Variants in UGT1A5 observed in about 807,000 individuals in gnomAD.
UGT1A5 encodes the protein UDP-glucuronosyltransferase 1A5.
In UGT1A5, 29 loss-of-function variants were observed where a neutral mutation model predicts 40.3. The ratio of observed to expected loss-of-function variants is 0.72; its 90% CI spans 0.54 to 0.98. The LOEUF (loss-of-function observed/expected upper bound fraction) is 0.98. Ranked by LOEUF, UGT1A5 falls within the 50% of genes least tolerant of loss-of-function variation. UGT1A5 has a pLI of 0.00. For synonymous variants in UGT1A5, 257 were observed against 262.5 expected, an observed-to-expected ratio of 0.98 and a Z score of 0.20; for missense variants, 678 against 677.9, an observed-to-expected ratio of 1.00 and a Z score of 0.00.
chr2:233,757,562 G>GTATATATATATATATATA (rs1491042837), intron 1 of UGT1A5, among the ~76,000 whole-genome samples: 1 of 90,870 alleles, frequency 1.1e-5, no homozygotes, highest in Non-Finnish European at 2.1e-5. Context: ...ATATATATAT[G>GTATATATATATATATATA]TATATATGAT....
chr2:233,767,623 T>C (rs188657722), intron 2 of UGT1A5, among the ~76,000 whole-genome samples: 5 of 152,322 alleles, frequency 3.3e-5, no homozygotes, highest in African/African-American at 1.2e-4. Flanking sequence ...GTGCACAGCT[T>C]GATAAATTAT....
intron 1 of UGT1A5, among the ~76,000 whole-genome samples, chr2:233,722,976 C>T (rs1378643600): frequency 1.4e-5 from 2 of 146,460 alleles, no homozygotes; most frequent in Non-Finnish European, 3.0e-5. Context: ...AGGGATTGGT[C>T]CTGCTGTCTC....
intron 1 of UGT1A5, among the ~76,000 whole-genome samples, chr2:233,736,484 A>T (rs1388526766): frequency 6.6e-6 from 1 of 152,156 alleles, no homozygotes; most frequent in Admixed American, 6.5e-5. Context: ...GAGGTTTGTT[A>T]CTACCAAACT....
chr2:233,732,874 G>C lies in UGT1A5; in HGVS notation c.867+19016G>C, dbSNP rs1220552637. On this transcript the variant is annotated intron_variant, in intron 1 of 4. Transcript: ENST00000373414. Reference sequence around the variant, plus strand: ...AGTCATTGGTAGCTTGATGGGTTTGGCATTGAATCTATAAATTACCTTGGG... The same window carrying C: ...AGTCATTGGTAGCTTGATGGGTTTGCCATTGAATCTATAAATTACCTTGGG... 6.6e-5 allele frequency among the ~76,000 whole-genome samples: 10 copies of C among 151,784 alleles called. No individual in the cohort carries two copies. The East Asian group carries it at 1.9e-3, about 29-fold the overall frequency.
intron 1 of UGT1A5, chr2:233,741,903 G>C (rs984668185): frequency 2.0e-5 from 3 of 151,860 alleles, no homozygotes; most frequent in Non-Finnish European, 4.4e-5. Context: ...GACCCTTTGT[G>C]ATGGAAAAGG....
chr2:233,740,676 A>C (rs1309493094), intron 1 of UGT1A5: 3 of 151,760 alleles, frequency 2.0e-5, no homozygotes, highest in Non-Finnish European at 4.4e-5. Flanking sequence ...AGGTGTTTCC[A>C]TGGAGGGTGT....
At chr2:233,728,633 A>G (rs1305532869) in intron 1 of UGT1A5, among the ~76,000 whole-genome samples, 1 of 152,194 alleles carries the variant, frequency 6.6e-6, no homozygotes, top group Non-Finnish European at 1.5e-5. Flanking sequence ...CTGGCTTAGC[A>G]ATGTTGTATG....
chr2:233,739,654 C>T (rs1048629610), intron 1 of UGT1A5, among the ~76,000 whole-genome samples: 2 of 152,192 alleles, frequency 1.3e-5, no homozygotes, highest in South Asian at 4.1e-4. Flanking sequence ...AATTTCTGTA[C>T]CCCCATTGTG....
At chr2:233,717,873 G>C (rs1268919584) in intron 1 of UGT1A5, 1 of 454,864 alleles carries the variant, frequency 2.2e-6, no homozygotes, top group African/African-American at 2.0e-5. Context: ...TTGACTTGGA[G>C]AAAAGCCTGG....
At chr2:233,760,161 T>G (rs768792415) in intron 1 of UGT1A5, 27 of 1,512,160 alleles carry the variant, frequency 1.8e-5, no homozygotes, top group Non-Finnish European at 2.3e-5. Context: ...CCTGCTACCT[T>G]TGTGGACTGA....
intron 1 of UGT1A5, chr2:233,755,200 G>C: frequency 9.0e-7 from 1 of 1,105,698 alleles, no homozygotes; most frequent in Non-Finnish European, 1.3e-6. Context: ...GCCAGCTTGC[G>C]GTACGCCTTC....
intron 3 of UGT1A5, 40 bp downstream of exon 3, chr2:233,767,976 C>A: frequency 6.2e-7 from 1 of 1,614,040 alleles, no homozygotes; most frequent in South Asian, 1.1e-5. Context: ...AAACCAGGGT[C>A]AAATTAAGAA....
In UGT1A5 at chr2:233,754,557, G is replaced by A. The variant is rs1055714391; in HGVS notation, c.868-12477G>A. 5.9e-5 allele frequency: 23 copies of A among 390,464 alleles called. No individual in the cohort carries two copies. The Admixed American group carries it at 7.3e-4, about 12-fold the overall frequency. The allele number at this position is 390,464 out of a possible 1,614,324, so 24.2% of individuals were successfully genotyped here. A position where few individuals can be genotyped will look rare whatever the true frequency, so the allele number is the denominator to read the frequency against. On this transcript the variant is annotated intron_variant, in intron 1 of 4. Coordinates refer to ENST00000373414, the MANE Select transcript of UGT1A5 (RefSeq NM_019078.2). ...TGGACTGGAATTACTTGGTGTCAAT[G>A]GGGAGCAACTGCTCTATGCCGTTTA...
rs1291086898 is a variant in UGT1A5 at position 233,713,749 on chromosome 2, C to G, written c.758C>G (p.Ser253Cys). The G allele has an allele frequency of 1.9e-6, 3 of 1,613,848 alleles. No homozygotes were observed. The highest frequency in any genetic ancestry group is 2.2e-5 in the South Asian group (2 of 91,076). ...GTGGTGGATCTTGTCAGCCATGCAT[C>G]TGTGTGGCTGTTCCGAGGGGACTTT... The part of the protein sequence containing the change: ...VSVVDLVSHA[S>C]VWLFRGDFVM... The change falls in exon 1 of 5, where the codon TCT (serine) becomes TGT (cysteine). Residue 253 changes from serine to cysteine, a missense_variant. Physicochemically the swap from Ser to Cys is moderately radical, Grantham distance 112 (BLOSUM62 -1). Transcript: ENST00000373414.
At chr2:233,747,695 G>C in intron 1 of UGT1A5, 1 of 1,611,470 alleles carries the variant, frequency 6.2e-7, no homozygotes, top group Non-Finnish European at 8.5e-7. Flanking sequence ...GGGCAGTGCT[G>C]GCTAAGTACC....
intron 1 of UGT1A5, among the ~76,000 whole-genome samples, chr2:233,720,305 G>A (rs1333507011): frequency 1.3e-5 from 2 of 152,288 alleles, no homozygotes; most frequent in African/African-American, 2.4e-5. Context: ...TGGGGGTCTG[G>A]TGTATGATGT....
chr2:233,724,171 CA>C (rs2077183449), intron 1 of UGT1A5, among the ~76,000 whole-genome samples: 1 of 91,442 alleles, frequency 1.1e-5, no homozygotes, highest in Non-Finnish European at 2.4e-5. Context: ...CTGACCCCCC[CA>C]TCTCCCTCCC....
chr2:233,742,752 T>C (rs1692089245), intron 1 of UGT1A5: 2 of 152,902 alleles, frequency 1.3e-5, no homozygotes, highest in Admixed American at 1.3e-4. Flanking sequence ...CTCCAAAATA[T>C]TAAGATAATA....
At chr2:233,718,272 G>A (rs551154473) in intron 1 of UGT1A5, among the ~76,000 whole-genome samples, 19 of 152,280 alleles carry the variant, frequency 1.2e-4, no homozygotes, top group Admixed American at 2.6e-4. Context: ...TGTGAAAAAA[G>A]ACCAAAACCA....
Sources: allele counts gnomAD v4.1 joint callset (sites outside exome capture counted in the v4.1 genomes callset), GRCh38; gene constraint gnomAD v4.1.1; transcripts MANE v1.5; gene names NCBI Gene and HGNC (gene_info 2026-07-23, HGNC 2026-07-21).